Variants in ANKRD42 observed in about 807,000 individuals in gnomAD.
ANKRD42 encodes ankyrin repeat domain-containing protein 42.
A neutral mutation model predicts 51.5 loss-of-function variants in ANKRD42; 43 were observed. That is an observed-to-expected ratio of 0.83 (90% CI 0.65 to 1.08). The LOEUF (loss-of-function observed/expected upper bound fraction) is 1.08. ANKRD42 is among the 50% of genes least tolerant of loss of function. The probability of loss-of-function intolerance (pLI) is 0.00; values close to 1 mark genes in which losing one functional copy is unlikely to be tolerated. For synonymous variants in ANKRD42, 203 were observed against 213.0 expected, an observed-to-expected ratio of 0.95 and a Z score of 0.41; for missense variants, 608 against 629.3, an observed-to-expected ratio of 0.97 and a Z score of 0.36.
intron 8 of ANKRD42, among the ~76,000 whole-genome samples, chr11:83,240,524 A>G (rs1447369256): frequency 1.3e-5 from 2 of 152,230 alleles, no homozygotes; most frequent in African/African-American, 4.8e-5. Context: ...TTTTGCCAAT[A>G]AAAATTATGG....
intron 2 of ANKRD42, among the ~76,000 whole-genome samples, chr11:83,202,993 T>TC (rs1246371642): frequency 6.8e-6 from 1 of 146,976 alleles, no homozygotes; most frequent in East Asian, 2.1e-4. Flanking sequence ...GTTGGATTTT[T>TC]TTTTTTTTTT....
chr11:83,208,108 C>T lies in ANKRD42; in HGVS notation c.330+1943C>T, dbSNP rs367745776. Among the ~76,000 whole-genome samples the T allele has an allele frequency of 1.6e-3, 249 of 152,256 alleles. 4 individuals carry two copies. The highest frequency in any genetic ancestry group is 5.9e-3 in the African/African-American group (244 of 41,542). On this transcript the variant is annotated intron_variant, in intron 3 of 10. Coordinates refer to ENST00000533342, the MANE Select transcript of ANKRD42 (RefSeq NM_001300975.2). ...CCCTGGTCATGACTCACTGCAGCAT[C>T]AACCTCCTGGGCCCAAGTGATCCTC...
intron 5 of ANKRD42, among the ~76,000 whole-genome samples, chr11:83,224,317 TATATA>T (rs1862806771): frequency 6.6e-6 from 1 of 152,228 alleles, no homozygotes; most frequent in Non-Finnish European, 1.5e-5. Flanking sequence ...TTATTTTACT[TATATA>T]ATAAGCATTT....
chr11:83,251,985 A>G (rs758624720), downstream of ANKRD42, among the ~76,000 whole-genome samples: 15 of 152,348 alleles, frequency 9.8e-5, no homozygotes, highest in Admixed American at 2.0e-4. Flanking sequence ...GTAGAAAAAC[A>G]TATTTCCTTT....
downstream of ANKRD42, among the ~76,000 whole-genome samples, chr11:83,257,939 C>T (rs1212311161): frequency 1.3e-5 from 2 of 152,232 alleles, no homozygotes; most frequent in Non-Finnish European, 2.9e-5. Context: ...ACTAACTTCC[C>T]AGCTTGCCTT....
chr11:83,231,216 C>T (rs577137291), intron 7 of ANKRD42, among the ~76,000 whole-genome samples: 1 of 152,302 alleles, frequency 6.6e-6, no homozygotes, highest in Non-Finnish European at 1.5e-5. Context: ...TCCTCACCAG[C>T]ATTCGTTATT....
At chr11:83,248,994 A>G (rs899799546), downstream of ANKRD42, 23 of 983,016 alleles carry the variant, frequency 2.3e-5, no homozygotes, top group Non-Finnish European at 2.7e-5. Context: ...TCATTTTGCA[A>G]CCCTCTTCTT....
At chr11:83,231,201 C>A (rs1863060480) in intron 7 of ANKRD42, among the ~76,000 whole-genome samples, 3 of 152,200 alleles carry the variant, frequency 2.0e-5, no homozygotes, top group Admixed American at 1.3e-4. Flanking sequence ...TCCCTTTTCT[C>A]CACATCCTCA....
intron 5 of ANKRD42, among the ~76,000 whole-genome samples, chr11:83,217,273 T>A (rs1862570481): frequency 6.6e-6 from 1 of 152,198 alleles, no homozygotes; most frequent in South Asian, 2.1e-4. Context: ...TGTCTAACAA[T>A]ATCTGTAGAG....
chr11:83,213,017 A>G, intron 5 of ANKRD42: 1 of 1,599,784 alleles, frequency 6.3e-7, no homozygotes, highest in Non-Finnish European at 8.5e-7. Context: ...GGCCACCCTC[A>G]GACCCCTTGT....
chr11:83,223,405 G>T (rs1862775885), intron 5 of ANKRD42, among the ~76,000 whole-genome samples: 1 of 152,182 alleles, frequency 6.6e-6, no homozygotes. Flanking sequence ...AGGCAGCAAA[G>T]GTAGTGAGAA....
chr11:83,257,299 G>A (rs1299535956), downstream of ANKRD42: 10 of 455,942 alleles, frequency 2.2e-5, no homozygotes, highest in African/African-American at 8.0e-5. Flanking sequence ...CAAAACCAGC[G>A]ACAGATCTTC....
intron 2 of ANKRD42, among the ~76,000 whole-genome samples, chr11:83,205,394 C>G (rs541753315): frequency 6.6e-6 from 1 of 152,226 alleles, no homozygotes; most frequent in Non-Finnish European, 1.5e-5. Context: ...ATGATTATGA[C>G]TTCTATGACA....
At chr11:83,245,758 CT>C in intron 10 of ANKRD42, 134 bp downstream of exon 10, 2 of 992,080 alleles carry the variant, frequency 2.0e-6, no homozygotes, top group Non-Finnish European at 2.8e-6. Context: ...CTCCTAAGCC[CT>C]TAGATGACAA....
At chr11:83,196,047 G>A (rs567810165) in intron 1 of ANKRD42, among the ~76,000 whole-genome samples, 1 of 152,152 alleles carries the variant, frequency 6.6e-6, no homozygotes, top group South Asian at 2.1e-4. Flanking sequence ...GAGTTTCACT[G>A]TGTTAGCCAT....
At chr11:83,228,939 T>G (rs1482438962) in intron 7 of ANKRD42, among the ~76,000 whole-genome samples, 1 of 78,794 alleles carries the variant, frequency 1.3e-5, no homozygotes, top group African/African-American at 4.8e-5. Context: ...CTAAAGTTTT[T>G]TTTGTTTTTT....
chr11:83,248,216 C>T lies in ANKRD42; in HGVS notation c.*12C>T, dbSNP rs747509484. 9 of 1,477,304 alleles carry T rather than the reference C, an allele frequency of 6.1e-6. No homozygotes were observed. The South Asian group carries it at 1.1e-4, about 17-fold the overall frequency. The allele number at this position is 1,477,304 out of a possible 1,614,324, so 91.5% of individuals were successfully genotyped here. A position where few individuals can be genotyped will look rare whatever the true frequency, so the allele number is the denominator to read the frequency against. On this transcript the variant is annotated 3_prime_UTR_variant, in exon 11 of 11. Coordinates refer to ENST00000533342, the MANE Select transcript of ANKRD42 (RefSeq NM_001300975.2). ...ATAGTCTTTTTTGATTTGGGCTACT[C>T]ATTTAACCTTTTTGTGCCTCAACTA...
Position 83,194,348 on chromosome 11 carries a change from G to A in ANKRD42, c.-323G>A, listed in dbSNP as rs535931161. On this transcript the variant is annotated 5_prime_UTR_variant, in exon 1 of 11. The change creates a new upstream start codon in the 5' untranslated region. Coordinates refer to ENST00000533342, the MANE Select transcript of ANKRD42 (RefSeq NM_001300975.2). ...TTCAGTGGCTCCTGGGAGGGAGGGA[G>A]TGTCGAAGGCGGCCACAGCGTTGGT... The A allele has an allele frequency of 5.3e-6, 3 of 570,126 alleles. No homozygotes were observed. Among genetic ancestry groups the A allele is most frequent in the South Asian group, 1.5e-5 (1 of 65,578 alleles). The allele number at this position is 570,126 out of a possible 1,614,324, so 35.3% of individuals were successfully genotyped here. A position where few individuals can be genotyped will look rare whatever the true frequency, so the allele number is the denominator to read the frequency against.
At chr11:83,234,597 GT>G (rs903732551) in intron 7 of ANKRD42, among the ~76,000 whole-genome samples, 10 of 152,154 alleles carry the variant, frequency 6.6e-5, no homozygotes, top group Admixed American at 3.3e-4. Context: ...CCTCCCTCCT[GT>G]TTTTAAACAT....
Sources: gnomAD v4.1 joint callset for allele counts (sites outside exome capture counted in the v4.1 genomes callset) on GRCh38, gnomAD v4.1.1 for gene constraint, MANE v1.5 for transcripts, NCBI Gene and HGNC (gene_info 2026-07-23, HGNC 2026-07-21) for gene names.